Variants in VEZF1 observed in about 807,000 individuals in gnomAD.
The protein encoded by VEZF1 is putative transcription factor DB1.
In VEZF1, 5 loss-of-function variants were observed where a neutral mutation model predicts 44.1. That is an observed-to-expected ratio of 0.11 (90% CI 0.06 to 0.24). The LOEUF (loss-of-function observed/expected upper bound fraction) is 0.24, where lower values mean the gene tolerates loss of function less well. VEZF1 is among the 10% of genes least tolerant of loss of function. VEZF1 has a pLI of 1.00. For synonymous variants in VEZF1, 236 were observed against 233.1 expected (o/e 1.01, Z -0.11); for missense variants, 358 against 641.8 (o/e 0.56, Z 4.78).
Position 57,979,109 on chromosome 17 carries a change from C to T in VEZF1, c.1138+43G>A, listed in dbSNP as rs778370169. The T allele has an allele frequency of 5.7e-6, 9 of 1,591,522 alleles. No homozygotes were observed. In the Admixed American group the frequency reaches 6.9e-5, roughly 12 times the overall value. ...GATCACTTGGCATACTAAATGAAAA[C>T]ACTTCTCTAGCCATATTTTCAACAC... On this transcript the variant is annotated intron_variant, in intron 5 of 5. Coordinates refer to ENST00000581208, the MANE Select transcript of VEZF1 (RefSeq NM_007146.3).
intron 1 of VEZF1, 70 bp downstream of exon 1, chr17:57,988,005 GCGCC>G (rs1014474106): frequency 9.9e-5 from 19 of 191,572 alleles, no homozygotes; most frequent in East Asian, 7.8e-4. Flanking sequence ...GGGAGGAGGA[GCGCC>G]CGCCCGCCCG....
Position 57,979,174 on chromosome 17 carries a change from T to C in VEZF1, c.1116A>G (p.Glu372=). The change falls in exon 5 of 6, where the codon GAA becomes GAG. Residue 372 remains glutamate, a synonymous_variant. Transcript: ENST00000581208. Reference sequence around the variant, plus strand: ...TACCTTTCTTCCTTGCTTTAACAGCTTCTTCCCACAGTCTCAGTGTTTCTA... The same window carrying C: ...TACCTTTCTTCCTTGCTTTAACAGCCTCTTCCCACAGTCTCAGTGTTTCTA... The part of the protein sequence containing the change: ...KQVETLRLWE[E]AVKARKKEAA... 1 of 1,613,520 alleles carries C rather than the reference T, an allele frequency of 6.2e-7. No individual in the cohort carries two copies. Among genetic ancestry groups the C allele is most frequent in the South Asian group, 1.1e-5 (1 of 91,038 alleles).
Position 57,974,878 on chromosome 17 carries a change from G to A in VEZF1, c.1161C>T (p.Thr387=), listed in dbSNP as rs1187257212. 6 of 1,613,776 alleles carry A rather than the reference G, an allele frequency of 3.7e-6. No individual in the cohort carries two copies. The Admixed American group carries it at 5.0e-5, about 13-fold the overall frequency. The part of the protein sequence containing the change: ...RKKEAANLCQ[T]STAATTPVTL... ...TCACAGGTGTCGTAGCAGCCGTGGA[G>A]GTTTGGCACAGGTTAGCAGCTTCTA... The change falls in exon 6 of 6, where the codon ACC becomes ACT. Residue 387 remains threonine (T), a synonymous_variant. Coordinates refer to ENST00000581208, the MANE Select transcript of VEZF1 (RefSeq NM_007146.3).
intron 5 of VEZF1, among the ~76,000 whole-genome samples, chr17:57,977,130 T>C (rs531400816): frequency 5.3e-5 from 8 of 152,176 alleles, no homozygotes; most frequent in Non-Finnish European, 1.0e-4. Context: ...GTTTTGTTTT[T>C]TTTGAGATGG....
intron 1 of VEZF1, chr17:57,985,225 T>C: frequency 8.2e-7 from 1 of 1,216,556 alleles, no homozygotes; most frequent in Non-Finnish European, 1.0e-6. Flanking sequence ...AAACAACCAT[T>C]AGTACGATGG....
At chr17:57,986,477 C>A (rs1348390969) in intron 1 of VEZF1, among the ~76,000 whole-genome samples, 3 of 152,160 alleles carry the variant, frequency 2.0e-5, no homozygotes, top group South Asian at 4.1e-4. Context: ...AGTTATATAT[C>A]ATTTCTTTTC....
At chr17:57,985,394 G>A (rs1020751575) in intron 1 of VEZF1, 2 of 1,227,284 alleles carry the variant, frequency 1.6e-6, no homozygotes, top group South Asian at 8.4e-5. Flanking sequence ...ATCACTCTCT[G>A]AGGATTCCTA....
rs574945671 is a variant in VEZF1, at chr17:57,988,191, G to C, written c.-80C>G. ...CAGCCGGAGGAGGCGACAACAAAGC[G>C]GCGGCGGCGGCGGCGGCAACGGCAG... On this transcript the variant is annotated 5_prime_UTR_variant, in exon 1 of 6. Transcript: ENST00000581208. 1.8e-5 allele frequency: 5 copies of C among 282,132 alleles called. No individual in the cohort carries two copies. The highest frequency in any genetic ancestry group is 2.5e-5 in the Non-Finnish European group (4 of 161,144). 17.5% of individuals were successfully genotyped at this position (282,132 alleles called of 1,614,324 possible). A position where few individuals can be genotyped will look rare whatever the true frequency, so the allele number is the denominator to read the frequency against.
rs927412270 is a variant in VEZF1, at chr17:57,987,568, G to GCACA, written c.33+507_33+510dup. Among the ~76,000 whole-genome samples, 5 of 152,094 alleles carry GCACA rather than the reference G, an allele frequency of 3.3e-5. No homozygotes were observed. In the South Asian group the frequency reaches 1.0e-3, roughly 32 times the overall value. On this transcript the variant is annotated intron_variant, in intron 1 of 5. Transcript: ENST00000581208. ...GGGGTCAGAAAGTCAACACACGCAC[G>GCACA]CACACACACAAAAAGACGAGGAAGG...
chr17:57,972,112 A>G lies in VEZF1; in HGVS notation c.*2361T>C, dbSNP rs2075142509. ...ACAAAATAGTATTTTAACTGAAGTC[A>G]TACAATGAAGTCTCACTCCTGTTTA... On this transcript the variant is annotated 3_prime_UTR_variant, in exon 6 of 6. Coordinates refer to ENST00000581208, the MANE Select transcript of VEZF1 (RefSeq NM_007146.3). 6.5e-6 allele frequency: 1 copy of G among 152,674 alleles called. No individual in the cohort carries two copies. Among genetic ancestry groups the G allele is most frequent in the Non-Finnish European group, 1.5e-5 (1 of 68,044 alleles). The allele number at this position is 152,674 out of a possible 1,614,324, so 9.5% of individuals were successfully genotyped here. A position where few individuals can be genotyped will look rare whatever the true frequency, so the allele number is the denominator to read the frequency against.
In VEZF1 at chr17:57,974,774, A is replaced by C. The variant is rs764996438; in HGVS notation, c.1265T>G (p.Met422Arg). 6 of 1,614,192 alleles carry C rather than the reference A, an allele frequency of 3.7e-6. No individual in the cohort carries two copies. In the South Asian group the frequency reaches 6.6e-5, roughly 18 times the overall value. Reference sequence around the variant, plus strand: ...AACATTTACTGGACTTCTCATGCTCATTGCAGCTGCCACTGTGACTGGGTT... The same window carrying C: ...AACATTTACTGGACTTCTCATGCTCCTTGCAGCTGCCACTGTGACTGGGTT... ...MSNPVTVAAA[M>R]SMRSPVNVSS... The change falls in exon 6 of 6, where the codon ATG (methionine) becomes AGG (arginine). Residue 422 changes from methionine (M) to arginine (R), a missense_variant. Transcript: ENST00000581208.
intron 1 of VEZF1, among the ~76,000 whole-genome samples, chr17:57,987,289 C>T (rs568329499): frequency 7.2e-5 from 11 of 152,210 alleles, no homozygotes; most frequent in African/African-American, 1.9e-4. Context: ...CCGCCTGCCC[C>T]GGGCCGGCCC....
chr17:57,986,486 T>C (rs1281532158), intron 1 of VEZF1, among the ~76,000 whole-genome samples: 1 of 152,222 alleles, frequency 6.6e-6, no homozygotes, highest in Non-Finnish European at 1.5e-5. Flanking sequence ...TCATTTCTTT[T>C]CCAATGCATT....
Position 57,983,052 on chromosome 17 carries a change from T to G in VEZF1, c.375A>C (p.Arg125=). ...LISTIAGDSS[R]TSLVSTIAGI... ...CTGCAATGGTCGAGACCAACGAAGT[T>G]CGGCTGCTGTCCCCAGCGATGGTAG... The change falls in exon 2 of 6, where the codon CGA becomes CGC. Residue 125 remains arginine (R), a synonymous_variant. Coordinates refer to ENST00000581208, the MANE Select transcript of VEZF1 (RefSeq NM_007146.3). 6.2e-7 allele frequency: 1 copy of G among 1,614,124 alleles called. No homozygotes were observed. The highest frequency in any genetic ancestry group is 8.5e-7 in the Non-Finnish European group (1 of 1,180,014).
intron 1 of VEZF1, among the ~76,000 whole-genome samples, chr17:57,986,639 C>T (rs2075296229): frequency 6.6e-6 from 1 of 152,146 alleles, no homozygotes; most frequent in South Asian, 2.1e-4. Context: ...ATTTCCATAA[C>T]TACTTAAAGA....
intron 1 of VEZF1, among the ~76,000 whole-genome samples, chr17:57,983,786 A>G (rs2075272243): frequency 6.6e-6 from 1 of 152,248 alleles, no homozygotes; most frequent in African/African-American, 2.4e-5. Flanking sequence ...TACTGCAGCA[A>G]TACACACATA....
At chr17:57,979,572 G>A (rs2075227213) in intron 4 of VEZF1, among the ~76,000 whole-genome samples, 1 of 148,232 alleles carries the variant, frequency 6.7e-6, no homozygotes. Flanking sequence ...AAAAAAGCAA[G>A]TGTCTTTAAA....
chr17:57,974,760 G>A lies in VEZF1; in HGVS notation c.1279C>T (p.Pro427Ser). Residue 427 changes from proline (P) to serine (S), a missense_variant, in exon 6 of 6, where the codon CCA becomes TCA. Physicochemically the swap from Pro to Ser is moderately conservative, Grantham distance 74. Coordinates refer to ENST00000581208, the MANE Select transcript of VEZF1 (RefSeq NM_007146.3). ...TVAAAMSMRS[P>S]VNVSSAVNIT... ...TTAACTGCACTTGAAACATTTACTG[G>A]ACTTCTCATGCTCATTGCAGCTGCC... The A allele has an allele frequency of 6.2e-7, 1 of 1,614,128 alleles. No individual in the cohort carries two copies. Among genetic ancestry groups the A allele is most frequent in the African/African-American group, 1.3e-5 (1 of 75,018 alleles).
Position 57,978,990 on chromosome 17 carries a change from G to GC in VEZF1, c.1138+161dup, listed in dbSNP as rs532468031. 2.0e-5 allele frequency among the ~76,000 whole-genome samples: 3 copies of GC among 152,228 alleles called. No individual in the cohort carries two copies. In the South Asian group the frequency reaches 6.2e-4, roughly 32 times the overall value. ...TAATAACTTATCTGGACACTTTATT[G>GC]CCAATAACTATACTTTACCAGATAT... is the stretch of plus-strand genomic sequence containing the variant. On this transcript the variant is annotated intron_variant, in intron 5 of 5. Coordinates refer to ENST00000581208, the MANE Select transcript of VEZF1 (RefSeq NM_007146.3).
Sources: gnomAD v4.1 joint callset for allele counts (sites outside exome capture counted in the v4.1 genomes callset) on GRCh38, gnomAD v4.1.1 for gene constraint, MANE v1.5 for transcripts, NCBI Gene and HGNC (gene_info 2026-07-23, HGNC 2026-07-21) for gene names.